IRF5: variants seen among roughly 807,000 people sequenced by gnomAD.
IRF5 encodes the protein interferon regulatory factor 5.
Under a neutral mutation model 55.1 loss-of-function variants are expected in IRF5, and 24 were observed. The ratio of observed to expected loss-of-function variants is 0.44; its 90% confidence interval spans 0.32 to 0.61. The LOEUF is 0.61. Ranked by LOEUF, IRF5 falls within the 20% of genes least tolerant of loss-of-function variation. IRF5 has a pLI of 0.07. For synonymous variants in IRF5, 258 were observed against 260.2 expected (o/e 0.99, Z 0.08); for missense variants, 499 against 658.5 (o/e 0.76, Z 2.65).
intron 2 of IRF5, 48 bp from the exon 3 acceptor site, chr7:128,945,797 G>A (rs764178972): frequency 4.5e-6 from 7 of 1,564,772 alleles, no homozygotes; most frequent in Non-Finnish European, 6.1e-6. Context: ...GACTGGGGCT[G>A]TGGCAGGGAT....
chr7:128,939,194 C>A (rs1311456494), intron 1 of IRF5, among the ~76,000 whole-genome samples: 1 of 152,110 alleles, frequency 6.6e-6, no homozygotes, highest in African/African-American at 2.4e-5. Context: ...TCTGGCAAGA[C>A]CTCCCCTTCC....
Position 128,945,824 on chromosome 7 carries a change from G to A in IRF5, c.196-21G>A, listed in dbSNP as rs374778632. The A allele has an allele frequency of 3.2e-4, 513 of 1,595,600 alleles. 2 individuals are homozygous for A. Among genetic ancestry groups the A allele is most frequent in the Non-Finnish European group, 4.0e-4 (465 of 1,175,302 alleles). ...GGCAGGGATGAGGTTCTCTGTGGTC[G>A]GCTATTTCTTCCTGCCCCAGGCCTG... On this transcript the variant is annotated intron_variant, in intron 2 of 8. Transcript: ENST00000357234.
chr7:128,949,098 G>A lies in IRF5; in HGVS notation c.*280G>A. ...CCAACCCTGGGGCCTAGCTGTATAG[G>A]AGGAATTGCCTAAGGGTGGCCCACT... is the stretch of plus-strand genomic sequence containing the variant. On this transcript the variant is annotated 3_prime_UTR_variant, in exon 9 of 9. Coordinates refer to ENST00000357234, the MANE Select transcript of IRF5 (RefSeq NM_001098629.3). 2.3e-6 allele frequency: 1 copy of A among 436,020 alleles called. No individual in the cohort carries two copies. Among genetic ancestry groups the A allele is most frequent in the Admixed American group, 3.7e-5 (1 of 26,698 alleles). The allele number at this position is 436,020 out of a possible 1,614,324, so 27.0% of individuals were successfully genotyped here.
At chr7:128,941,869 CT>C (rs1473282861) in intron 1 of IRF5, among the ~76,000 whole-genome samples, 2 of 152,356 alleles carry the variant, frequency 1.3e-5, no homozygotes, top group African/African-American at 4.8e-5. Flanking sequence ...CATTCACTAA[CT>C]CGTAACTCTC....
Position 128,948,855 on chromosome 7 carries a change from G to T in IRF5, c.*37G>T, listed in dbSNP as rs1230861233. The T allele has an allele frequency of 6.3e-7, 1 of 1,586,530 alleles. No individual in the cohort carries two copies. Among genetic ancestry groups the T allele is most frequent in the South Asian group, 1.1e-5 (1 of 89,656 alleles). ...ACGGTGACTGGCCCTGGCTTCCTGG[G>T]TGGCGGTGCGGACTGATGTGGAGAT... On this transcript the variant is annotated 3_prime_UTR_variant, in exon 9 of 9. Transcript: ENST00000357234. This position sits in a 1 kb window ranked among gnomAD's most constrained non-coding sequence, Gnocchi z 4.6.
intron 2 of IRF5, among the ~76,000 whole-genome samples, chr7:128,942,802 T>G (rs1207878068): frequency 6.6e-6 from 1 of 152,136 alleles, no homozygotes; most frequent in Non-Finnish European, 1.5e-5. Flanking sequence ...AAATTTTATT[T>G]TTAAATTAGT....
At chr7:128,945,367 A>G (rs967697355) in intron 2 of IRF5, among the ~76,000 whole-genome samples, 3 of 152,108 alleles carry the variant, frequency 2.0e-5, no homozygotes, top group African/African-American at 7.2e-5. Context: ...TGGCCTCCCA[A>G]AATGTTGGGA....
At chr7:128,944,985 G>A (rs1796222168) in intron 2 of IRF5, among the ~76,000 whole-genome samples, 1 of 152,184 alleles carries the variant, frequency 6.6e-6, no homozygotes, top group Admixed American at 6.5e-5. Context: ...AAATAGCTGG[G>A]TTAAAAGGTA....
intron 2 of IRF5, 73 bp downstream of exon 2, chr7:128,942,349 C>T: frequency 7.2e-7 from 1 of 1,391,948 alleles, no homozygotes; most frequent in Admixed American, 2.1e-5. Context: ...ACATAACGCA[C>T]ACAGGCAGCT....
rs375983447 is a variant in IRF5, at chr7:128,947,309, G to A, written c.561G>A (p.Pro187=). 2.4e-6 allele frequency: 1 copy of A among 415,960 alleles called. No homozygotes were observed. The highest frequency in any genetic ancestry group is 3.4e-6 in the Non-Finnish European group (1 of 293,244). The allele number at this position is 415,960 out of a possible 1,614,324, so 25.8% of individuals were successfully genotyped here. ...EDVKWPPTLQ[P]PTLRPPTLQP... is the part of the protein sequence containing the mutation. ...TCAAGTGGCCGCCCACTCTGCAGCC[G>A]CCCACTCTGCGGCCGCCTACTCTGC... is the stretch of plus-strand genomic sequence containing the variant. Residue 187 remains proline (P), a synonymous_variant, in exon 6 of 9, where the codon CCG becomes CCA. Transcript: ENST00000357234. This position sits in a 1 kb window ranked among gnomAD's most constrained non-coding sequence, Gnocchi z 6.5.
At position 128,946,163 on chromosome 7, in the gene IRF5, G is replaced by A. The variant is rs947092669; in HGVS notation, c.385+129G>A. The A allele has an allele frequency of 2.2e-6, 2 of 896,210 alleles. No homozygotes were observed. The highest frequency in any genetic ancestry group is 1.6e-6 in the Non-Finnish European group (1 of 610,262). 55.5% of individuals were successfully genotyped at this position (896,210 alleles called of 1,614,324 possible). A position where few individuals can be genotyped will look rare whatever the true frequency, so the allele number is the denominator to read the frequency against. On this transcript the variant is annotated intron_variant, in intron 3 of 8. Transcript: ENST00000357234. This position sits in a 1 kb window ranked among gnomAD's most constrained non-coding sequence, Gnocchi z 4.2. ...GCAGTGGTCCAGGAAACGATGCGGG[G>A]GCTCCCGCTAGGTCATGACACCCAG...
In IRF5 at chr7:128,946,171, C is replaced by T; in HGVS notation, c.385+137C>T. 1.2e-6 allele frequency: 1 copy of T among 850,142 alleles called. No individual in the cohort carries two copies. The highest frequency in any genetic ancestry group is 1.8e-6 in the Non-Finnish European group (1 of 568,800). The allele number at this position is 850,142 out of a possible 1,614,324, so 52.7% of individuals were successfully genotyped here. A position where few individuals can be genotyped will look rare whatever the true frequency, so the allele number is the denominator to read the frequency against. ...CCAGGAAACGATGCGGGGGCTCCCG[C>T]TAGGTCATGACACCCAGGGCTTCCA... On this transcript the variant is annotated intron_variant, in intron 3 of 8. Coordinates refer to ENST00000357234, the MANE Select transcript of IRF5 (RefSeq NM_001098629.3). This position sits in a 1 kb window ranked among gnomAD's most constrained non-coding sequence, Gnocchi z 4.2.
intron 2 of IRF5, 146 bp downstream of exon 2, chr7:128,942,422 G>T: frequency 1.6e-6 from 1 of 640,474 alleles, no homozygotes; most frequent in South Asian, 2.0e-5. Flanking sequence ...GGACTAAGGG[G>T]ATGCAGACGT....
In IRF5 at chr7:128,946,410, C is replaced by A; in HGVS notation, c.386-91C>A. 1 of 1,478,394 alleles carries A rather than the reference C, an allele frequency of 6.8e-7. No homozygotes were observed. The allele number at this position is 1,478,394 out of a possible 1,614,324, so 91.6% of individuals were successfully genotyped here. On this transcript the variant is annotated intron_variant, in intron 3 of 8. Coordinates refer to ENST00000357234, the MANE Select transcript of IRF5 (RefSeq NM_001098629.3). This position sits in a 1 kb window ranked among gnomAD's most constrained non-coding sequence, Gnocchi z 4.2. ...GCAGCTTTGGGGAAGGCAGAAGCTG[C>A]ATAGGAGCTACAGGCAGCCTCTCAG...
intron 1 of IRF5, chr7:128,941,399 C>T (rs543589650): frequency 2.6e-5 from 4 of 152,418 alleles, no homozygotes; most frequent in South Asian, 4.1e-4. Flanking sequence ...GAGGTAACAT[C>T]TGTTTGGTGC....
chr7:128,947,460 C>T lies in IRF5; in HGVS notation c.712C>T (p.Pro238Ser). The change falls in exon 6 of 9, where the codon CCC becomes TCC. Residue 238 changes from proline to serine, a missense_variant. Physicochemically the swap from Pro to Ser is moderately conservative, Grantham distance 74. Coordinates refer to ENST00000357234, the MANE Select transcript of IRF5 (RefSeq NM_001098629.3). The surrounding 1 kb of genome is among the most constrained non-coding windows in gnomAD (Gnocchi z 6.5). ...ELLSEVLEPG[P>S]LPASLPPAGE... The stretch of plus-strand genomic sequence containing the variant: ...TCTCTCTGAGGTCCTGGAGCCTGGG[C>T]CCCTGCCTGCCAGCCTGCCCCCTGC... 1 of 1,611,246 alleles carries T rather than the reference C, an allele frequency of 6.2e-7. No individual in the cohort carries two copies. The highest frequency in any genetic ancestry group is 8.5e-7 in the Non-Finnish European group (1 of 1,179,330).
intron 2 of IRF5, among the ~76,000 whole-genome samples, chr7:128,945,496 A>G (rs573636766): frequency 1.8e-3 from 275 of 152,318 alleles, no homozygotes; most frequent in Admixed American, 3.2e-3. Context: ...ATGGCCTGGC[A>G]CACAGCTGGC....
In IRF5 at chr7:128,947,660, G is replaced by A; in HGVS notation, c.788-69G>A. 1 of 1,516,894 alleles carries A rather than the reference G, an allele frequency of 6.6e-7. No homozygotes were observed. The highest frequency in any genetic ancestry group is 2.0e-5 in the Admixed American group (1 of 49,876). The allele number at this position is 1,516,894 out of a possible 1,614,324, so 94.0% of individuals were successfully genotyped here. On this transcript the variant is annotated intron_variant, in intron 6 of 8. Coordinates refer to ENST00000357234, the MANE Select transcript of IRF5 (RefSeq NM_001098629.3). This position sits in a 1 kb window ranked among gnomAD's most constrained non-coding sequence, Gnocchi z 6.5. ...TGGGAGGGCGGATGGGGCTGGGCCT[G>A]GCCACTGGGCTGCAGAATGGGGAGG... is the stretch of plus-strand genomic sequence containing the variant.
Position 128,948,707 on chromosome 7 carries a change from T to A in IRF5, c.1434T>A (p.His478Gln). 6.2e-7 allele frequency: 1 copy of A among 1,614,114 alleles called. No homozygotes were observed. Among genetic ancestry groups the A allele is most frequent in the Non-Finnish European group, 8.5e-7 (1 of 1,180,028 alleles). Residue 478 changes from histidine to glutamine, a missense_variant, in exon 9 of 9, where the codon CAT becomes CAA. Physicochemically the swap from His to Gln is conservative, Grantham distance 24. This residue lies in a region of IRF5 where 194 missense variants were observed against 318.3 expected (regional missense o/e 0.61). Coordinates refer to ENST00000357234, the MANE Select transcript of IRF5 (RefSeq NM_001098629.3). This position sits in a 1 kb window ranked among gnomAD's most constrained non-coding sequence, Gnocchi z 4.6. Reference protein sequence around the residue: ...DRMVEQFKELHHIWQSQQRLQ... With the variant: ...DRMVEQFKELQHIWQSQQRLQ... ...TGGTGGAGCAATTCAAGGAGCTCCA[T>A]CACATCTGGCAGTCCCAGCAGCGGT...
Sources: gnomAD v4.1 joint callset for allele counts (sites outside exome capture counted in the v4.1 genomes callset) on GRCh38, gnomAD v4.1.1 for gene constraint, gnomAD v4.1.1 regional missense constraint, Gnocchi (gnomAD v3.1) non-coding constraint, MANE v1.5 for transcripts, NCBI Gene and HGNC (gene_info 2026-07-23, HGNC 2026-07-21) for gene names.